The following POLD3 variants were observed in gnomAD, a reference collection of about 807,000 sequenced individuals.
POLD3 encodes DNA polymerase delta 3, accessory subunit.
POLD3 carries 19 observed loss-of-function variants against 58.2 expected under a neutral mutation model. That is an observed-to-expected ratio of 0.33 (90% CI 0.23 to 0.48). The LOEUF is 0.48. Among genes scored for constraint, POLD3 ranks in the 20% least tolerant of loss-of-function variants. The probability of loss-of-function intolerance (pLI) is 0.99; values close to 1 mark genes in which losing one functional copy is unlikely to be tolerated. For synonymous variants in POLD3, 172 were observed against 193.5 expected (o/e 0.89, Z 0.92); for missense variants, 504 against 545.5 (o/e 0.92, Z 0.76).
At chr11:74,611,592 G>T (rs971826556) in intron 4 of POLD3, 54 bp downstream of exon 4, 1 of 992,488 alleles carries the variant, frequency 1.0e-6, no homozygotes, top group Non-Finnish European at 1.6e-6. Context: ...CAGTGTAGGT[G>T]CAATAAAAAA....
downstream of POLD3, among the ~76,000 whole-genome samples, chr11:74,646,947 A>C (rs116212013): frequency 9.7e-3 from 1,475 of 152,338 alleles, 20 homozygotes; most frequent in African/African-American, 0.034. Context: ...CATGGAAGAC[A>C]ATTTTTCCAT....
intron 11 of POLD3, chr11:74,638,494 T>C (rs1053892296): frequency 1.3e-5 from 5 of 389,060 alleles, no homozygotes; most frequent in Middle Eastern, 4.1e-4. Flanking sequence ...CAAAGTCTTA[T>C]ACCACCAACT....
chr11:74,651,435 C>T (rs2033067238), intron 4 of POLD3, among the ~76,000 whole-genome samples: 1 of 152,172 alleles, frequency 6.6e-6, no homozygotes, highest in Non-Finnish European at 1.5e-5. Flanking sequence ...CCTAAAACTA[C>T]ACAGTCATGA....
At chr11:74,604,051 A>G (rs1257896463) in intron 2 of POLD3, among the ~76,000 whole-genome samples, 1 of 152,244 alleles carries the variant, frequency 6.6e-6, no homozygotes, top group Non-Finnish European at 1.5e-5. Context: ...TACATTCTGC[A>G]ATTCTGAACC....
At chr11:74,660,259 A>C (rs2033189051) in intron 4 of POLD3, among the ~76,000 whole-genome samples, 1 of 152,220 alleles carries the variant, frequency 6.6e-6, no homozygotes, top group African/African-American at 2.4e-5. Flanking sequence ...CCCTCTCACA[A>C]CAGGTGGGAA....
At chr11:74,609,183 T>C (rs2031799433) in intron 3 of POLD3, among the ~76,000 whole-genome samples, 1 of 151,676 alleles carries the variant, frequency 6.6e-6, no homozygotes, top group Non-Finnish European at 1.5e-5. Flanking sequence ...CATCCTGTAT[T>C]TTAGAATCAC....
chr11:74,596,437 C>T (rs756676298), intron 2 of POLD3, among the ~76,000 whole-genome samples: 21 of 151,904 alleles, frequency 1.4e-4, no homozygotes, highest in African/African-American at 4.6e-4. Context: ...CTGCCCGCCT[C>T]GGCCTTCTAA....
At chr11:74,597,171 A>T (rs1020875363) in intron 2 of POLD3, among the ~76,000 whole-genome samples, 1 of 152,198 alleles carries the variant, frequency 6.6e-6, no homozygotes, top group African/African-American at 2.4e-5. Context: ...GAACCTCCAT[A>T]CCGTTTTACA....
At chr11:74,660,174 C>T (rs1015334396) in intron 4 of POLD3, among the ~76,000 whole-genome samples, 13 of 152,264 alleles carry the variant, frequency 8.5e-5, no homozygotes, top group African/African-American at 1.7e-4. Flanking sequence ...CATCAGATCT[C>T]GTGAGACTTA....
At chr11:74,615,171 C>T (rs1037580758) in intron 5 of POLD3, among the ~76,000 whole-genome samples, 4 of 152,172 alleles carry the variant, frequency 2.6e-5, no homozygotes, top group African/African-American at 9.7e-5. Flanking sequence ...CTGTTCTTGT[C>T]AGTAAAGCTG....
At chr11:74,639,678 G>A (rs899645201) in intron 11 of POLD3, among the ~76,000 whole-genome samples, 9 of 151,860 alleles carry the variant, frequency 5.9e-5, no homozygotes, top group African/African-American at 1.7e-4. Flanking sequence ...CGTCATGGCT[G>A]GAAGCCACTA....
rs1565114476 is a variant in POLD3, at chr11:74,607,797, G to GTCTTGAACTTCTAAGTTCAAGTGA, written c.219+3014_219+3037dup. Among the ~76,000 whole-genome samples the GTCTTGAACTTCTAAGTTCAAGTGA allele has an allele frequency of 1.1e-4, 17 of 152,028 alleles. No homozygotes were observed. In the South Asian group the frequency reaches 2.3e-3, roughly 20 times the overall value. ...GGGTTTTGTCCTGTTGCCCAGGCTGGTCTTGAACTTCTAAGTTCAAGTGAT... is the reference window on the plus strand; with the variant it reads ...GGGTTTTGTCCTGTTGCCCAGGCTGGTCTTGAACTTCTAAGTTCAAGTGATCTTGAACTTCTAAGTTCAAGTGAT... On this transcript the variant is annotated intron_variant, in intron 3 of 11. Coordinates refer to ENST00000263681, the MANE Select transcript of POLD3 (RefSeq NM_006591.3).
At chr11:74,635,646 A>C (rs935266786) in intron 10 of POLD3, among the ~76,000 whole-genome samples, 1 of 152,222 alleles carries the variant, frequency 6.6e-6, no homozygotes, top group African/African-American at 2.4e-5. Context: ...GCACTTCTGC[A>C]TTCCAGCCTG....
intron 3 of POLD3, among the ~76,000 whole-genome samples, chr11:74,607,577 T>TA (rs1246014711): frequency 5.3e-5 from 8 of 151,588 alleles, no homozygotes; most frequent in Non-Finnish European, 1.0e-4. Context: ...TATTTTTATT[T>TA]TTTATTTATT....
chr11:74,649,935 A>G (rs2033047419), intron 4 of POLD3, among the ~76,000 whole-genome samples: 1 of 152,200 alleles, frequency 6.6e-6, no homozygotes, highest in Admixed American at 6.5e-5. Context: ...GATGTTGTAG[A>G]AAGTCCTTGG....
At chr11:74,663,680 A>G (rs1424240933) in intron 4 of POLD3, among the ~76,000 whole-genome samples, 1 of 152,236 alleles carries the variant, frequency 6.6e-6, no homozygotes, top group Admixed American at 6.5e-5. Flanking sequence ...ATATAGAAGA[A>G]CATTTTCATC....
intron 10 of POLD3, among the ~76,000 whole-genome samples, chr11:74,634,990 G>A (rs138925500): frequency 7.6e-4 from 116 of 152,274 alleles, no homozygotes; most frequent in African/African-American, 2.7e-3. Context: ...CTGTTAGAAT[G>A]GTGTAAAAAG....
In POLD3 at chr11:74,629,213, A is replaced by G; in HGVS notation, c.900-4A>G. ...ACGCTTAATTTATTTCTGGATGGCA[A>G]CAGGGGGAAGCGAGTAGCATTATCT... On this transcript the variant is annotated splice_polypyrimidine_tract_variant and splice_region_variant and intron_variant, in intron 8 of 11. Transcript: ENST00000263681. The G allele has an allele frequency of 1.3e-6, 2 of 1,560,086 alleles. No individual in the cohort carries two copies. The highest frequency in any genetic ancestry group is 1.8e-6 in the Non-Finnish European group (2 of 1,139,590).
At chr11:74,599,421 A>G (rs965175886) in intron 2 of POLD3, among the ~76,000 whole-genome samples, 1 of 146,830 alleles carries the variant, frequency 6.8e-6, no homozygotes, top group Non-Finnish European at 1.5e-5. Flanking sequence ...GCCGGAGTGC[A>G]GTGGCGGAAC....
Sources: gnomAD v4.1 joint callset for allele counts (sites outside exome capture counted in the v4.1 genomes callset) on GRCh38, gnomAD v4.1.1 for gene constraint, MANE v1.5 for transcripts, NCBI Gene and HGNC (gene_info 2026-07-23, HGNC 2026-07-21) for gene names.